GRB14: variants seen among roughly 807,000 people sequenced by gnomAD.
GRB14 encodes the protein growth factor receptor-bound protein 14.
In GRB14, 38 loss-of-function variants were observed where a neutral mutation model predicts 69.1. The observed-to-expected ratio is 0.55, with a 90% CI of 0.42 to 0.72. GRB14 has a LOEUF of 0.72. GRB14 is among the 30% of genes least tolerant of loss of function. The pLI, the probability that GRB14 is intolerant of heterozygous loss-of-function variation, is 0.00. For synonymous variants in GRB14, 247 were observed against 241.3 expected, an observed-to-expected ratio of 1.02 and a Z score of -0.22; for missense variants, 666 against 666.1, an observed-to-expected ratio of 1.00 and a Z score of 0.00.
chr2:164,617,221 G>A (rs1690318928), intron 2 of GRB14, among the ~76,000 whole-genome samples: 1 of 152,086 alleles, frequency 6.6e-6, no homozygotes, highest in African/African-American at 2.4e-5. Flanking sequence ...CAGCAAGAAG[G>A]GCCCTTCAAA....
At chr2:164,607,443 C>G (rs13000232) in intron 2 of GRB14, among the ~76,000 whole-genome samples, 121,974 of 152,202 alleles carry the variant, frequency 0.8, 49,787 homozygotes, top group African/African-American at 0.9. Flanking sequence ...GTAGATGAAT[C>G]CATATATATG....
At chr2:164,577,048 T>A (rs1292423487) in intron 2 of GRB14, among the ~76,000 whole-genome samples, 2 of 152,182 alleles carry the variant, frequency 1.3e-5, no homozygotes, top group Non-Finnish European at 2.9e-5. Context: ...CTCTGGACAA[T>A]ATAATTTATA....
chr2:164,548,581 G>C (rs537274090), intron 2 of GRB14, among the ~76,000 whole-genome samples: 151 of 152,102 alleles, frequency 9.9e-4, no homozygotes, highest in African/African-American at 3.5e-3. Flanking sequence ...TCCAAGAGAG[G>C]GATTGCTGGG....
At chr2:164,535,362 CT>C (rs1688053713) in intron 3 of GRB14, among the ~76,000 whole-genome samples, 1 of 152,096 alleles carries the variant, frequency 6.6e-6, no homozygotes, top group Admixed American at 6.5e-5. Flanking sequence ...ACATCAAAGT[CT>C]TTTTAAAAAC....
chr2:164,591,293 G>C (rs1295874476), intron 2 of GRB14, among the ~76,000 whole-genome samples: 1 of 152,008 alleles, frequency 6.6e-6, no homozygotes, highest in East Asian at 1.9e-4. Context: ...ATTAAGTAAG[G>C]GGTTTTGACC....
At chr2:164,533,656 G>T (rs559897253) in intron 3 of GRB14, among the ~76,000 whole-genome samples, 16 of 152,160 alleles carry the variant, frequency 1.1e-4, no homozygotes, top group Non-Finnish European at 1.9e-4. Flanking sequence ...CAAATCATTT[G>T]AATTTGGACT....
intron 2 of GRB14, among the ~76,000 whole-genome samples, chr2:164,564,209 A>G (rs1184185619): frequency 1.3e-5 from 2 of 152,220 alleles, no homozygotes; most frequent in Admixed American, 1.3e-4. Context: ...TTCTGGGAGC[A>G]GAAGTGCAGA....
intron 2 of GRB14, among the ~76,000 whole-genome samples, chr2:164,570,272 A>G (rs111486745): frequency 0.026 from 3,292 of 128,534 alleles, 135 homozygotes; most frequent in African/African-American, 0.1. Flanking sequence ...GCAAGACTCC[A>G]TCTAAAAAAA....
chr2:164,609,164 C>T (rs985393659), intron 2 of GRB14, among the ~76,000 whole-genome samples: 3 of 152,328 alleles, frequency 2.0e-5, no homozygotes, highest in South Asian at 2.1e-4. Context: ...AAGACTGAAG[C>T]ACTCATTCTC....
At chr2:164,588,842 G>A (rs541679618) in intron 2 of GRB14, among the ~76,000 whole-genome samples, 35 of 152,206 alleles carry the variant, frequency 2.3e-4, no homozygotes, top group Admixed American at 5.9e-4. Flanking sequence ...AAGTAACATC[G>A]TTCTAAAATC....
chr2:164,580,391 C>A (rs1419494548), intron 2 of GRB14, among the ~76,000 whole-genome samples: 2 of 151,412 alleles, frequency 1.3e-5, no homozygotes, highest in African/African-American at 2.4e-5. Flanking sequence ...CCATGCCCAG[C>A]CTTATGATAC....
intron 5 of GRB14, 147 bp downstream of exon 5, chr2:164,524,857 A>AT (rs540965601): frequency 4.0e-3 from 1,921 of 478,444 alleles, no homozygotes; most frequent in South Asian, 5.3e-3. Flanking sequence ...GCCTGGGTGC[A>AT]TTTTTTTTTT....
In GRB14 at chr2:164,492,786, G is replaced by A. The variant is rs906715733; in HGVS notation, c.*250C>T. ...TATTTGAAGAAAATATTATAGCAAT[G>A]TAAAAATCACACAAGAACACACCAA... On this transcript the variant is annotated 3_prime_UTR_variant, in exon 14 of 14. Coordinates refer to ENST00000263915, the MANE Select transcript of GRB14 (RefSeq NM_004490.3). The A allele has an allele frequency of 1.2e-5, 4 of 329,382 alleles. No individual in the cohort carries two copies. The highest frequency in any genetic ancestry group is 4.9e-5 in the East Asian group (1 of 20,368). The allele number at this position is 329,382 out of a possible 1,614,324, so 20.4% of individuals were successfully genotyped here. A position where few individuals can be genotyped will look rare whatever the true frequency, so the allele number is the denominator to read the frequency against.
intron 2 of GRB14, among the ~76,000 whole-genome samples, chr2:164,605,860 G>T (rs978081758): frequency 6.6e-6 from 1 of 152,096 alleles, no homozygotes; most frequent in African/African-American, 2.4e-5. Context: ...AGAATAAAGA[G>T]ATATCCAACC....
intron 6 of GRB14, among the ~76,000 whole-genome samples, chr2:164,512,064 G>A (rs1687353664): frequency 6.6e-6 from 1 of 152,170 alleles, no homozygotes; most frequent in Admixed American, 6.5e-5. Context: ...AAAGTGGGGG[G>A]AAGAGTGGGA....
At chr2:164,560,793 G>A (rs187856864) in intron 2 of GRB14, among the ~76,000 whole-genome samples, 2 of 152,146 alleles carry the variant, frequency 1.3e-5, no homozygotes, top group South Asian at 2.1e-4. Flanking sequence ...GAATGTATAC[G>A]TTCAAATATG....
chr2:164,554,391 T>C (rs898861825), intron 2 of GRB14, among the ~76,000 whole-genome samples: 1 of 152,176 alleles, frequency 6.6e-6, no homozygotes, highest in East Asian at 1.9e-4. Flanking sequence ...CTTTTGAAAT[T>C]GGATGCCAAC....
intron 1 of GRB14, chr2:164,620,084 C>G (rs1474571777): frequency 2.1e-5 from 5 of 241,774 alleles, no homozygotes; most frequent in Non-Finnish European, 3.1e-5. Flanking sequence ...CCCCTCCCCC[C>G]CCCACCGCCT....
At chr2:164,559,527 G>A (rs1437583361) in intron 2 of GRB14, among the ~76,000 whole-genome samples, 2 of 152,144 alleles carry the variant, frequency 1.3e-5, no homozygotes, top group African/African-American at 4.8e-5. Flanking sequence ...ACATATTAGT[G>A]AGAACATATG....
Sources: allele counts gnomAD v4.1 joint callset (sites outside exome capture counted in the v4.1 genomes callset), GRCh38; gene constraint gnomAD v4.1.1; transcripts MANE v1.5; gene names NCBI Gene and HGNC (gene_info 2026-07-23, HGNC 2026-07-21).